Variants in AK8 observed in about 807,000 individuals in gnomAD.
The protein encoded by AK8 is ATP-AMP transphosphorylase 8.
AK8 carries 44 observed loss-of-function variants against 54.6 expected under a neutral mutation model. The observed-to-expected ratio is 0.81, with a 90% CI of 0.63 to 1.04. The LOEUF is 1.04. Ranked by LOEUF, AK8 falls within the 50% of genes least tolerant of loss-of-function variation. The pLI is 0.00. For missense variants in AK8, 555 were observed against 613.6 expected, an observed-to-expected ratio of 0.90 and a Z score of 1.01; for synonymous variants, 239 against 245.6, an observed-to-expected ratio of 0.97 and a Z score of 0.25.
chr9:132,792,138 C>T (rs1052018689), intron 11 of AK8, among the ~76,000 whole-genome samples: 3 of 152,154 alleles, frequency 2.0e-5, no homozygotes, highest in African/African-American at 4.8e-5. Context: ...CTTCACTGCT[C>T]TCCACAATAT....
intron 11 of AK8, among the ~76,000 whole-genome samples, chr9:132,743,223 G>A (rs905663042): frequency 6.6e-6 from 1 of 152,272 alleles, no homozygotes; most frequent in South Asian, 2.1e-4. Context: ...GCCCACCCAC[G>A]TGCCTCTGCT....
chr9:132,775,706 T>C (rs1281927274), intron 11 of AK8, among the ~76,000 whole-genome samples: 1 of 152,102 alleles, frequency 6.6e-6, no homozygotes, highest in East Asian at 1.9e-4. Flanking sequence ...AAGATTAAGC[T>C]CCCTGATAGA....
chr9:132,799,025 C>T lies in AK8; in HGVS notation c.980-6250G>A, dbSNP rs971246031. Among the ~76,000 whole-genome samples, 8 of 152,212 alleles carry T rather than the reference C, an allele frequency of 5.3e-5. No homozygotes were observed. Among genetic ancestry groups the T allele is most frequent in the African/African-American group, 1.7e-4 (7 of 41,458 alleles). ...GCAACTGGGCAGCACTGACTCCTCCCGGGCTGCAGGTCTGGCTTCAGTCAC... is the reference window on the plus strand; with the variant it reads ...GCAACTGGGCAGCACTGACTCCTCCTGGGCTGCAGGTCTGGCTTCAGTCAC... On this transcript the variant is annotated intron_variant, in intron 10 of 12. Transcript: ENST00000298545. This position sits in a 1 kb window ranked among gnomAD's most constrained non-coding sequence, Gnocchi z 5.0.
chr9:132,866,856 G>T, intron 3 of AK8, 48 bp downstream of exon 3: 1 of 1,563,546 alleles, frequency 6.4e-7, no homozygotes, highest in Non-Finnish European at 8.8e-7. Context: ...AGCTCTGGAG[G>T]ATCAATGAGA....
At chr9:132,796,231 G>A (rs1840167962) in intron 10 of AK8, among the ~76,000 whole-genome samples, 1 of 152,198 alleles carries the variant, frequency 6.6e-6, no homozygotes, top group Non-Finnish European at 1.5e-5. Context: ...TGGAGCCCCT[G>A]AGTCCCTCAC....
intron 4 of AK8, among the ~76,000 whole-genome samples, chr9:132,862,773 C>T (rs889399568): frequency 3.9e-5 from 6 of 152,168 alleles, no homozygotes; most frequent in Non-Finnish European, 7.3e-5. Context: ...CTAGCTAGCC[C>T]GGGCAGATCC....
chr9:132,866,704 T>C (rs1454000199), intron 3 of AK8, among the ~76,000 whole-genome samples, 200 bp downstream of exon 3: 1 of 152,142 alleles, frequency 6.6e-6, no homozygotes, highest in East Asian at 1.9e-4. Flanking sequence ...CTCTGGATGG[T>C]CAGGGAATTC....
chr9:132,839,023 C>A (rs1842432733), intron 5 of AK8, among the ~76,000 whole-genome samples: 1 of 151,978 alleles, frequency 6.6e-6, no homozygotes, highest in Non-Finnish European at 1.5e-5. Context: ...CGGCTCATTG[C>A]AACTCTGCCT....
At chr9:132,772,249 C>G (rs1328743004) in intron 11 of AK8, among the ~76,000 whole-genome samples, 2 of 152,222 alleles carry the variant, frequency 1.3e-5, no homozygotes, top group African/African-American at 4.8e-5. Flanking sequence ...TCTTCCTGAA[C>G]TACCAGACTC....
intron 4 of AK8, among the ~76,000 whole-genome samples, chr9:132,855,610 G>A (rs1312651195): frequency 6.6e-6 from 1 of 152,168 alleles, no homozygotes; most frequent in Non-Finnish European, 1.5e-5. Context: ...GTTGAATATT[G>A]ACCAGCAGAC....
intron 11 of AK8, among the ~76,000 whole-genome samples, chr9:132,760,478 A>G (rs1236199706): frequency 6.6e-6 from 1 of 152,208 alleles, no homozygotes; most frequent in African/African-American, 2.4e-5. Context: ...TAAAACTATT[A>G]TGTACTCCAT....
intron 5 of AK8, among the ~76,000 whole-genome samples, chr9:132,829,684 C>T (rs750659258): frequency 2.0e-5 from 3 of 151,926 alleles, no homozygotes; most frequent in Admixed American, 6.6e-5. Flanking sequence ...CCATCAGCCC[C>T]CTCTTGGTAC....
At chr9:132,751,822 T>C (rs2131017957) in intron 11 of AK8, among the ~76,000 whole-genome samples, 1 of 152,002 alleles carries the variant, frequency 6.6e-6, no homozygotes, top group East Asian at 1.9e-4. Context: ...GACCCTGTTT[T>C]CATTTTTATT....
rs376085711 is a variant in AK8 at position 132,725,665 on chromosome 9, C to T, written c.*23G>A. The T allele has an allele frequency of 1.9e-5, 29 of 1,545,976 alleles. No individual in the cohort carries two copies. The highest frequency in any genetic ancestry group is 2.5e-5 in the Non-Finnish European group (28 of 1,136,120). On this transcript the variant is annotated 3_prime_UTR_variant, in exon 13 of 13. Coordinates refer to ENST00000298545, the MANE Select transcript of AK8 (RefSeq NM_152572.3). ...CAGGGGATTAACTCTTTCCCTGGGG[C>T]AGCGCTCCTGGCTCTGAACCCATCA...
intron 5 of AK8, among the ~76,000 whole-genome samples, chr9:132,841,230 C>T (rs1295791718): frequency 6.6e-6 from 1 of 152,208 alleles, no homozygotes; most frequent in Non-Finnish European, 1.5e-5. Flanking sequence ...GAGTGTCCCT[C>T]GCTGCTGTCT....
intron 11 of AK8, among the ~76,000 whole-genome samples, chr9:132,749,428 G>T (rs1401367043): frequency 6.6e-6 from 1 of 151,896 alleles, no homozygotes; most frequent in East Asian, 1.9e-4. Context: ...GAGGCCCCTC[G>T]TAAGGTGTGC....
intron 11 of AK8, among the ~76,000 whole-genome samples, chr9:132,760,571 G>A (rs1838408502): frequency 6.6e-6 from 1 of 151,958 alleles, no homozygotes; most frequent in South Asian, 2.1e-4. Context: ...AAGTCCTAGA[G>A]GTTTTATTTA....
At chr9:132,811,715 C>T (rs1841019011) in intron 10 of AK8, among the ~76,000 whole-genome samples, 1 of 152,204 alleles carries the variant, frequency 6.6e-6, no homozygotes. Context: ...TATGGCAGTA[C>T]AGCATCACCA....
At chr9:132,824,402 C>T (rs1008882273) in intron 8 of AK8, among the ~76,000 whole-genome samples, 26 of 152,202 alleles carry the variant, frequency 1.7e-4, no homozygotes, top group African/African-American at 5.5e-4. Context: ...ATGTGCCTTG[C>T]GGTGGGTGCC....
Sources: allele counts gnomAD v4.1 joint callset (sites outside exome capture counted in the v4.1 genomes callset), GRCh38; gene constraint gnomAD v4.1.1; non-coding constraint Gnocchi (gnomAD v3.1); transcripts MANE v1.5; gene names NCBI Gene and HGNC (gene_info 2026-07-23, HGNC 2026-07-21).